The following CHN2 variants were observed in gnomAD, a reference collection of about 807,000 sequenced individuals.
CHN2 encodes chimerin 2.
Under a neutral mutation model 56.3 loss-of-function variants are expected in CHN2, and 35 were observed. The ratio of observed to expected loss-of-function variants is 0.62; its 90% CI spans 0.47 to 0.82. The LOEUF is 0.82. CHN2 is among the 40% of genes least tolerant of loss of function. The pLI is 0.00. For synonymous variants in CHN2, 210 were observed against 212.8 expected, an observed-to-expected ratio of 0.99 and a Z score of 0.12; for missense variants, 491 against 580.5, an observed-to-expected ratio of 0.85 and a Z score of 1.58.
At chr7:29,353,837 G>T (rs1798083741) in intron 1 of CHN2, among the ~76,000 whole-genome samples, 2 of 152,152 alleles carry the variant, frequency 1.3e-5, no homozygotes, top group South Asian at 4.1e-4. Flanking sequence ...TGCTCTATGA[G>T]TTAGACCGTG....
intron 6 of CHN2, among the ~76,000 whole-genome samples, chr7:29,459,980 C>T (rs896052694): frequency 1.2e-4 from 18 of 152,150 alleles, no homozygotes; most frequent in African/African-American, 3.6e-4. Context: ...GCAAGTCAGG[C>T]GTGGCTGCCC....
intron 2 of CHN2, among the ~76,000 whole-genome samples, chr7:29,187,361 G>A (rs1195357422): frequency 6.6e-6 from 1 of 152,018 alleles, no homozygotes; most frequent in Non-Finnish European, 1.5e-5. Context: ...GTGTGTGTGT[G>A]TGTGACAAAG....
At chr7:29,278,171 G>A (rs1029577701) in intron 1 of CHN2, among the ~76,000 whole-genome samples, 1 of 152,118 alleles carries the variant, frequency 6.6e-6, no homozygotes, top group Non-Finnish European at 1.5e-5. Context: ...TTGCAACCTT[G>A]ACTGCACATT....
intron 1 of CHN2, among the ~76,000 whole-genome samples, chr7:29,238,197 T>G (rs1012910821): frequency 6.6e-6 from 1 of 151,942 alleles, no homozygotes; most frequent in Non-Finnish European, 1.5e-5. Context: ...TTTTTGTATT[T>G]TTAGTAAAGA....
chr7:29,221,192 T>G (rs1386168088), intron 1 of CHN2, among the ~76,000 whole-genome samples: 1 of 152,144 alleles, frequency 6.6e-6, no homozygotes, highest in Non-Finnish European at 1.5e-5. Context: ...AATTGGCAAT[T>G]CTAGCCAATG....
At chr7:29,217,245 G>A (rs918939761) in intron 1 of CHN2, among the ~76,000 whole-genome samples, 12 of 152,118 alleles carry the variant, frequency 7.9e-5, no homozygotes, top group East Asian at 1.9e-4. Flanking sequence ...AGTAAACCAC[G>A]GTAGTTATCT....
At chr7:29,476,607 C>T (rs1356206668) in intron 6 of CHN2, among the ~76,000 whole-genome samples, 2 of 151,316 alleles carry the variant, frequency 1.3e-5, no homozygotes, top group Admixed American at 6.6e-5. Flanking sequence ...GAGTATAACA[C>T]TTGGCACATA....
chr7:29,296,318 C>T (rs1266500024), intron 1 of CHN2, among the ~76,000 whole-genome samples: 3 of 152,202 alleles, frequency 2.0e-5, no homozygotes, highest in African/African-American at 7.2e-5. Context: ...CTCCTAACCT[C>T]AGGTGATCCA....
chr7:29,398,206 G>A lies in CHN2; in HGVS notation c.177-167G>A, dbSNP rs1028688719. ...TTGAATACTTGTGTTTGGAGCATGT[G>A]AGGGGTGGTTCCAAGTCACTTAAGA... On this transcript the variant is annotated intron_variant, in intron 4 of 12. Coordinates refer to ENST00000222792, the MANE Select transcript of CHN2 (RefSeq NM_004067.4). The A allele has an allele frequency of 1.5e-5, 8 of 529,226 alleles. No individual in the cohort carries two copies. The Admixed American group carries it at 1.6e-4, about 11-fold the overall frequency. 32.8% of individuals were successfully genotyped at this position (529,226 alleles called of 1,614,324 possible).
chr7:29,417,550 G>C (rs1050535081), intron 6 of CHN2, among the ~76,000 whole-genome samples: 1 of 152,094 alleles, frequency 6.6e-6, no homozygotes, highest in Non-Finnish European at 1.5e-5. Flanking sequence ...TTAGCCAAAA[G>C]TAGAGAAAGA....
intron 1 of CHN2, chr7:29,200,798 G>A (rs1480193332): frequency 6.6e-6 from 1 of 152,098 alleles, no homozygotes; most frequent in Non-Finnish European, 1.5e-5. Flanking sequence ...TAGAGGAAAC[G>A]GCAGTCAGAG....
At chr7:29,367,237 C>A (rs1164049283) in intron 2 of CHN2, among the ~76,000 whole-genome samples, 1 of 152,128 alleles carries the variant, frequency 6.6e-6, no homozygotes, top group Non-Finnish European at 1.5e-5. Context: ...GCTTTATATA[C>A]AATGACCTGC....
chr7:29,340,385 T>C (rs1389673300), intron 1 of CHN2, among the ~76,000 whole-genome samples: 1 of 136,486 alleles, frequency 7.3e-6, no homozygotes. Context: ...CACTGCCTTC[T>C]GCAGGGGGTT....
At chr7:29,249,610 G>T (rs760518225) in intron 1 of CHN2, among the ~76,000 whole-genome samples, 1 of 152,204 alleles carries the variant, frequency 6.6e-6, no homozygotes, top group Non-Finnish European at 1.5e-5. Context: ...AGGTTGTCCT[G>T]CGGCCTTTCT....
intron 2 of CHN2, among the ~76,000 whole-genome samples, chr7:29,169,348 G>C (rs1286196284): frequency 6.6e-6 from 1 of 152,046 alleles, no homozygotes; most frequent in Admixed American, 6.6e-5. Flanking sequence ...TTCATGTACA[G>C]TGTGCTCTTT....
At chr7:29,437,597 C>CAAA (rs11436612) in intron 6 of CHN2, among the ~76,000 whole-genome samples, 1 of 52,610 alleles carries the variant, frequency 1.9e-5, no homozygotes, top group Non-Finnish European at 3.7e-5. Flanking sequence ...GACTCCGTCT[C>CAAA]AAAAAAAAAA....
chr7:29,335,627 G>T (rs933261945), intron 1 of CHN2: 2 of 152,236 alleles, frequency 1.3e-5, no homozygotes, highest in African/African-American at 4.8e-5. Context: ...GAGCCTGCAT[G>T]TGTCAGGTAA....
chr7:29,453,089 A>G (rs1784517657), intron 6 of CHN2, among the ~76,000 whole-genome samples: 1 of 152,216 alleles, frequency 6.6e-6, no homozygotes, highest in South Asian at 2.1e-4. Flanking sequence ...GTTTTGCATG[A>G]TGAGTTCATT....
At chr7:29,338,600 A>G (rs138070392) in intron 1 of CHN2, among the ~76,000 whole-genome samples, 230 of 152,272 alleles carry the variant, frequency 1.5e-3, no homozygotes, top group Non-Finnish European at 2.4e-3. Context: ...TTGTTTTGCC[A>G]CAGAGTCTTG....
Sources: gnomAD v4.1 joint callset for allele counts (sites outside exome capture counted in the v4.1 genomes callset) on GRCh38, gnomAD v4.1.1 for gene constraint, MANE v1.5 for transcripts, NCBI Gene and HGNC (gene_info 2026-07-23, HGNC 2026-07-21) for gene names.